CIMIP6: variants seen among roughly 807,000 people sequenced by gnomAD.
The protein encoded by CIMIP6 is ciliary microtubule inner protein 6.
the CIMIP6 span, among the ~76,000 whole-genome samples, chr2:54,366,357 C>T: frequency 1.7e-4 from 26 of 152,316 alleles, no homozygotes; most frequent in Non-Finnish European, 1.8e-4. Context: ...TCATCAAACA[C>T]ACCTGGATGG....
At chr2:54,353,482 TTCA>T in the CIMIP6 span, among the ~76,000 whole-genome samples, 67 of 152,202 alleles carry the variant, frequency 4.4e-4, 1 homozygote, top group South Asian at 0.013. Context: ...GCTTCTGGTT[TTCA>T]TCATAATTGC....
the CIMIP6 span, chr2:54,360,430 A>G: frequency 6.3e-7 from 1 of 1,598,244 alleles, no homozygotes; most frequent in Non-Finnish European, 8.5e-7. Context: ...CAGACGTCAG[A>G]CAGGCAGCCA....
the CIMIP6 span, among the ~76,000 whole-genome samples, chr2:54,345,218 G>A: frequency 6.6e-6 from 1 of 152,086 alleles, no homozygotes; most frequent in Non-Finnish European, 1.5e-5. Flanking sequence ...GCCTTCATAA[G>A]GAAATGAAGA....
At chr2:54,378,860 T>C in the CIMIP6 span, among the ~76,000 whole-genome samples, 357 of 152,302 alleles carry the variant, frequency 2.3e-3, 10 homozygotes, top group Admixed American at 0.02. Context: ...TTATCTCTAC[T>C]CCTAAGTTTG....
chr2:54,368,745 C>A, the CIMIP6 span, among the ~76,000 whole-genome samples: 1 of 152,146 alleles, frequency 6.6e-6, no homozygotes, highest in Non-Finnish European at 1.5e-5. Context: ...ACTCTGGACA[C>A]CAAGGCTCAG....
the CIMIP6 span, among the ~76,000 whole-genome samples, chr2:54,331,504 A>C: frequency 6.6e-6 from 1 of 151,810 alleles, no homozygotes; most frequent in East Asian, 1.9e-4. Context: ...AGTAAAAGCC[A>C]AGGCACCTCC....
the CIMIP6 span, among the ~76,000 whole-genome samples, chr2:54,346,762 C>G: frequency 6.6e-6 from 1 of 152,170 alleles, no homozygotes; most frequent in Non-Finnish European, 1.5e-5. Flanking sequence ...TGCTATTACC[C>G]TGCTTCCTTT....
the CIMIP6 span, among the ~76,000 whole-genome samples, chr2:54,355,746 T>C: frequency 6.6e-6 from 1 of 152,220 alleles, no homozygotes; most frequent in African/African-American, 2.4e-5. Context: ...ATATTTTTTA[T>C]TTCTAACATT....
chr2:54,371,147 A>T, the CIMIP6 span, among the ~76,000 whole-genome samples: 1 of 152,296 alleles, frequency 6.6e-6, no homozygotes, highest in East Asian at 1.9e-4. Flanking sequence ...AGATGTGTCC[A>T]TGTTTTTAGG....
At chr2:54,372,150 G>A in the CIMIP6 span, among the ~76,000 whole-genome samples, 1 of 152,246 alleles carries the variant, frequency 6.6e-6, no homozygotes, top group East Asian at 1.9e-4. Flanking sequence ...ATGTGGGGTG[G>A]AGCAGAGAGA....
the CIMIP6 span, chr2:54,383,207 T>A: frequency 6.6e-6 from 1 of 152,216 alleles, no homozygotes; most frequent in South Asian, 2.1e-4. Flanking sequence ...TGGAAGAGAA[T>A]CTTCCCATCT....
chr2:54,375,064 C>T, the CIMIP6 span, among the ~76,000 whole-genome samples: 7 of 152,050 alleles, frequency 4.6e-5, no homozygotes, highest in Admixed American at 3.3e-4. Context: ...CAAGGGTTTC[C>T]AGCTACCTTA....
chr2:54,366,450 T>C, the CIMIP6 span, among the ~76,000 whole-genome samples: 1 of 152,218 alleles, frequency 6.6e-6, no homozygotes, highest in Non-Finnish European at 1.5e-5. Context: ...TAATCGCTTG[T>C]AGCAAATTCT....
chr2:54,340,731 C>T, the CIMIP6 span, among the ~76,000 whole-genome samples: 1 of 152,156 alleles, frequency 6.6e-6, no homozygotes, highest in African/African-American at 2.4e-5. Flanking sequence ...TGGCAAAATT[C>T]TCAGTTTAAA....
the CIMIP6 span, chr2:54,331,077 G>A: frequency 6.8e-7 from 1 of 1,467,264 alleles, no homozygotes; most frequent in Admixed American, 1.7e-5. Context: ...CCGGGATCCA[G>A]CATGGACAGT....
the CIMIP6 span, among the ~76,000 whole-genome samples, chr2:54,348,734 A>G: frequency 6.6e-6 from 1 of 152,266 alleles, no homozygotes; most frequent in East Asian, 1.9e-4. Flanking sequence ...ATGAACATGC[A>G]CATAAACATG....
At chr2:54,376,489 C>T in the CIMIP6 span, among the ~76,000 whole-genome samples, 8 of 152,188 alleles carry the variant, frequency 5.3e-5, no homozygotes, top group Non-Finnish European at 1.0e-4. Flanking sequence ...GTAGAAATTC[C>T]TTCACTGGAA....
At chr2:54,364,940 A>T in the CIMIP6 span, among the ~76,000 whole-genome samples, 1 of 152,226 alleles carries the variant, frequency 6.6e-6, no homozygotes, top group African/African-American at 2.4e-5. Flanking sequence ...GAGAGAACAC[A>T]AACAAGCAAT....
chr2:54,380,280 A>T, the CIMIP6 span, among the ~76,000 whole-genome samples: 3,422 of 152,272 alleles, frequency 0.022, 121 homozygotes, highest in African/African-American at 0.079. Flanking sequence ...TCTTTCACTG[A>T]TGACTCTTAG....
Sources: gnomAD v4.1 joint callset for allele counts (sites outside exome capture counted in the v4.1 genomes callset) on GRCh38, gnomAD v4.1.1 for gene constraint, MANE v1.5 for transcripts, NCBI Gene and HGNC (gene_info 2026-07-23, HGNC 2026-07-21) for gene names.